FOXP1: variants seen among roughly 807,000 people sequenced by gnomAD.
FOXP1 encodes forkhead box P1, also known as forkhead box protein P1.
FOXP1 carries 15 observed loss-of-function variants against 98.2 expected under a neutral mutation model. The observed-to-expected ratio is 0.15, with a 90% CI of 0.10 to 0.24. The LOEUF (loss-of-function observed/expected upper bound fraction) is 0.24. Among genes scored for constraint, FOXP1 ranks in the 10% least tolerant of loss-of-function variants. The pLI, the probability that FOXP1 is intolerant of heterozygous loss-of-function variation, is 1.00. For missense variants in FOXP1, 633 were observed against 848.5 expected (o/e 0.75, Z 3.15); for synonymous variants, 371 against 314.5 (o/e 1.18, Z -1.90).
chr3:71,296,361 A>G (rs1433363959), intron 5 of FOXP1: 1 of 152,206 alleles, frequency 6.6e-6, no homozygotes, highest in Non-Finnish European at 1.5e-5. Flanking sequence ...TTTAAGGCTT[A>G]TTCATCAGGA....
At chr3:71,545,511 T>C (rs2045288086) in intron 2 of FOXP1, among the ~76,000 whole-genome samples, 1 of 152,232 alleles carries the variant, frequency 6.6e-6, no homozygotes, top group Non-Finnish European at 1.5e-5. Context: ...GGGGTTTTGT[T>C]TGTTTTTAAA....
At chr3:71,161,468 A>G (rs1362918806) in intron 6 of FOXP1, among the ~76,000 whole-genome samples, 2 of 152,230 alleles carry the variant, frequency 1.3e-5, no homozygotes, top group East Asian at 3.8e-4. Context: ...ATGTTCCTAC[A>G]GAACAAAGAG....
At chr3:71,044,701 T>C (rs930486276) in intron 10 of FOXP1, among the ~76,000 whole-genome samples, 12 of 152,194 alleles carry the variant, frequency 7.9e-5, no homozygotes, top group Admixed American at 6.5e-4. Context: ...GCAACATTTC[T>C]TTTTCCAGGA....
At chr3:71,238,921 T>C (rs1467025439) in intron 5 of FOXP1, among the ~76,000 whole-genome samples, 1 of 152,246 alleles carries the variant, frequency 6.6e-6, no homozygotes, top group Non-Finnish European at 1.5e-5. Flanking sequence ...TATTTTCTCA[T>C]TTGATTTCTT....
chr3:71,406,405 G>GTATGTGTATATATATA (rs2082336447), intron 3 of FOXP1, among the ~76,000 whole-genome samples: 2 of 105,948 alleles, frequency 1.9e-5, no homozygotes, highest in Non-Finnish European at 4.4e-5. Context: ...AACTGTATGT[G>GTATGTGTATATATATA]TATATATATA....
intron 4 of FOXP1, among the ~76,000 whole-genome samples, chr3:71,311,964 C>A (rs931310506): frequency 6.6e-6 from 1 of 152,188 alleles, no homozygotes; most frequent in Non-Finnish European, 1.5e-5. Context: ...AAGCTCACCA[C>A]CTCTCTAGCT....
intron 3 of FOXP1, among the ~76,000 whole-genome samples, chr3:71,436,064 A>C (rs1021041518): frequency 1.3e-5 from 2 of 151,850 alleles, no homozygotes; most frequent in Non-Finnish European, 2.9e-5. Context: ...CTGTTATGTC[A>C]CAACTGAAAA....
intron 2 of FOXP1, among the ~76,000 whole-genome samples, chr3:71,560,572 TGAAAACATAC>T (rs2046459445): frequency 6.6e-6 from 1 of 152,098 alleles, no homozygotes; most frequent in South Asian, 2.1e-4. Flanking sequence ...CAAAGAAAAC[TGAAAACATAC>T]GAAAACACAA....
intron 3 of FOXP1, among the ~76,000 whole-genome samples, chr3:71,415,875 C>A (rs2083174584): frequency 6.6e-6 from 1 of 152,136 alleles, no homozygotes; most frequent in South Asian, 2.1e-4. Flanking sequence ...AAATAAACCA[C>A]TTAAAGAGTA....
intron 2 of FOXP1, among the ~76,000 whole-genome samples, chr3:71,523,450 C>T (rs2043138261): frequency 6.6e-6 from 1 of 152,208 alleles, no homozygotes; most frequent in African/African-American, 2.4e-5. Context: ...AAGGCTTTCT[C>T]TCTTAAGACA....
At chr3:71,286,031 T>C (rs1303450425) in intron 5 of FOXP1, among the ~76,000 whole-genome samples, 1 of 152,226 alleles carries the variant, frequency 6.6e-6, no homozygotes, top group South Asian at 2.1e-4. Flanking sequence ...TAAACCCAGA[T>C]AGTATGTATA....
chr3:71,238,386 G>A (rs749493138), intron 5 of FOXP1, among the ~76,000 whole-genome samples: 6 of 152,180 alleles, frequency 3.9e-5, no homozygotes, highest in Non-Finnish European at 8.8e-5. Context: ...CACTACTGCC[G>A]TTCAATAAAT....
At chr3:71,538,368 T>C (rs1308635933) in intron 2 of FOXP1, among the ~76,000 whole-genome samples, 3 of 152,360 alleles carry the variant, frequency 2.0e-5, no homozygotes, top group East Asian at 3.9e-4. Context: ...CTACTTTGTG[T>C]CTTAATGGAT....
In FOXP1 at chr3:71,148,872, G is replaced by T. The variant is rs139755323; in HGVS notation, c.181-36235C>A. On this transcript the variant is annotated intron_variant, in intron 6 of 20. Coordinates refer to ENST00000649528, the MANE Select transcript of FOXP1 (RefSeq NM_001349338.3). ...TGAAGCACTCTACTCAAAAGAGAAG[G>T]TGGTATATCTATAGTACTAGGAGTA... is the stretch of plus-strand genomic sequence containing the variant. Among the ~76,000 whole-genome samples the T allele has an allele frequency of 2.6e-3, 394 of 152,292 alleles. 3 individuals are homozygous for T. Among genetic ancestry groups the T allele is most frequent in the African/African-American group, 8.8e-3 (366 of 41,530 alleles).
chr3:71,193,579 G>A (rs1367657469), intron 6 of FOXP1, among the ~76,000 whole-genome samples: 1 of 151,990 alleles, frequency 6.6e-6, no homozygotes, highest in Non-Finnish European at 1.5e-5. Context: ...CTCCTGAGTA[G>A]CTGGGACTAC....
rs751145284 is a variant in FOXP1, at chr3:70,977,019, C to T, written c.1452G>A (p.Lys484=). The T allele has an allele frequency of 5.6e-6, 9 of 1,613,794 alleles. No individual in the cohort carries two copies. In the East Asian group the frequency reaches 1.8e-4, roughly 32 times the overall value. ...TATAGATCTCATTTAGTGTTAGCTG[C>T]TTTTCTGGAGATTCGAGAATGGCCT... The part of the protein sequence containing the change: ...IRQAILESPE[K]QLTLNEIYNW... Residue 484 remains lysine, a synonymous_variant, in exon 17 of 21, where the codon AAG becomes AAA. Transcript: ENST00000649528.
intron 17 of FOXP1, among the ~76,000 whole-genome samples, chr3:70,974,286 CTAAA>C (rs2037018841): frequency 6.6e-6 from 1 of 151,706 alleles, no homozygotes; most frequent in Admixed American, 6.6e-5. Context: ...GCAGTCTAGT[CTAAA>C]TAAGCAGTTT....
intron 6 of FOXP1, among the ~76,000 whole-genome samples, chr3:71,122,010 T>C (rs934692525): frequency 3.9e-5 from 6 of 152,332 alleles, no homozygotes; most frequent in Admixed American, 2.0e-4. Context: ...TAATTCAGAT[T>C]CACATCTTTT....
At chr3:70,980,472 T>C (rs548592162) in intron 14 of FOXP1, among the ~76,000 whole-genome samples, 142 of 152,360 alleles carry the variant, frequency 9.3e-4, no homozygotes, top group African/African-American at 3.3e-3. Flanking sequence ...ATATCTGAGA[T>C]GTTATTACTC....
Sources: allele counts gnomAD v4.1 joint callset (sites outside exome capture counted in the v4.1 genomes callset), GRCh38; gene constraint gnomAD v4.1.1; transcripts MANE v1.5; gene names NCBI Gene and HGNC (gene_info 2026-07-23, HGNC 2026-07-21).